PRKCB: variants seen among roughly 807,000 people sequenced by gnomAD.
The protein encoded by PRKCB is protein kinase C beta.
A neutral mutation model predicts 81.5 loss-of-function variants in PRKCB; 13 were observed. The ratio of observed to expected loss-of-function variants is 0.16; its 90% CI spans 0.10 to 0.25. PRKCB has a LOEUF of 0.25. PRKCB is among the 10% of genes least tolerant of loss of function. The pLI is 1.00. For missense variants in PRKCB, 509 were observed against 875.7 expected, an observed-to-expected ratio of 0.58 and a Z score of 5.29; for synonymous variants, 335 against 321.4, an observed-to-expected ratio of 1.04 and a Z score of -0.45.
At chr16:23,915,192 G>GA (rs2141737878) in intron 2 of PRKCB, among the ~76,000 whole-genome samples, 1 of 152,284 alleles carries the variant, frequency 6.6e-6, no homozygotes, top group East Asian at 1.9e-4. Context: ...TTACATGACT[G>GA]AAATGAGAGG....
intron 9 of PRKCB, among the ~76,000 whole-genome samples, chr16:24,154,415 C>T (rs1422903188): frequency 2.0e-5 from 3 of 152,244 alleles, no homozygotes; most frequent in Middle Eastern, 6.8e-3. Flanking sequence ...CCCAGGATTT[C>T]GAGTCCGCAG....
At chr16:23,969,038 T>G (rs1454532808) in intron 2 of PRKCB, among the ~76,000 whole-genome samples, 1 of 152,064 alleles carries the variant, frequency 6.6e-6, no homozygotes, top group Non-Finnish European at 1.5e-5. Context: ...GATGTGGTGG[T>G]GGGTGCCTGT....
chr16:24,194,181 G>T (rs990561644), intron 16 of PRKCB, among the ~76,000 whole-genome samples: 2 of 152,042 alleles, frequency 1.3e-5, no homozygotes, highest in Admixed American at 1.3e-4. Context: ...ACAAAAATTA[G>T]CTAGATGCGA....
chr16:24,164,320 G>T (rs544596860), intron 10 of PRKCB, among the ~76,000 whole-genome samples: 2 of 152,148 alleles, frequency 1.3e-5, no homozygotes, highest in South Asian at 4.2e-4. Flanking sequence ...TTCCAAATTT[G>T]GGAAATTCTA....
At chr16:23,843,631 C>G (rs929870419) in intron 2 of PRKCB, among the ~76,000 whole-genome samples, 1 of 151,942 alleles carries the variant, frequency 6.6e-6, no homozygotes, top group Non-Finnish European at 1.5e-5. Context: ...GAATGCCTTT[C>G]TAAGTAAATA....
At chr16:24,032,676 AGCCTCCGTGCAT>A (rs1965564619) in intron 4 of PRKCB, among the ~76,000 whole-genome samples, 1 of 152,144 alleles carries the variant, frequency 6.6e-6, no homozygotes, top group African/African-American at 2.4e-5. Context: ...TAGGCTACCT[AGCCTCCGTGCAT>A]GCACGGAGGT....
chr16:24,137,343 C>A (rs1438052554), intron 9 of PRKCB, among the ~76,000 whole-genome samples: 4 of 151,454 alleles, frequency 2.6e-5, no homozygotes, highest in Non-Finnish European at 5.9e-5. Context: ...TGCATGCCAT[C>A]GTGCCTGGCT....
chr16:23,997,714 C>T (rs1010411986), intron 3 of PRKCB, among the ~76,000 whole-genome samples: 7 of 152,054 alleles, frequency 4.6e-5, no homozygotes, highest in African/African-American at 1.7e-4. Flanking sequence ...TATAGGATAC[C>T]AGGACAAGAG....
Position 24,191,233 on chromosome 16 carries a change from A to G in PRKCB, c.1863+3A>G, listed in dbSNP as rs1333997215. On this transcript the variant is annotated splice_donor_region_variant and intron_variant, in intron 16 of 16. Coordinates refer to ENST00000643927, the MANE Select transcript of PRKCB (RefSeq NM_002738.7). ...AGCCCCCTTATAAGCCAAAAGCTGT[A>G]AGTAGCCCATTCTCTCTGACTGCCG... is the stretch of plus-strand genomic sequence containing the variant. 3 of 1,614,006 alleles carry G rather than the reference A, an allele frequency of 1.9e-6. No individual in the cohort carries two copies. The highest frequency in any genetic ancestry group is 2.5e-6 in the Non-Finnish European group (3 of 1,179,908).
At chr16:23,897,867 A>G (rs1963404473) in intron 2 of PRKCB, among the ~76,000 whole-genome samples, 1 of 151,662 alleles carries the variant, frequency 6.6e-6, no homozygotes, top group African/African-American at 2.4e-5. Flanking sequence ...CCATCCATAT[A>G]TCTATTTAAT....
intron 5 of PRKCB, among the ~76,000 whole-genome samples, chr16:24,041,041 C>T (rs1965690482): frequency 1.4e-5 from 2 of 146,778 alleles, no homozygotes; most frequent in Non-Finnish European, 3.0e-5. Flanking sequence ...CGTGTTCATA[C>T]ATGCAACAAT....
At chr16:24,024,859 T>C in intron 3 of PRKCB, among the ~76,000 whole-genome samples, 1 of 152,128 alleles carries the variant, frequency 6.6e-6, no homozygotes, top group East Asian at 1.9e-4. Context: ...AAGATGCACC[T>C]TGAGGGTCGT....
chr16:24,085,688 A>T (rs1966303384), intron 5 of PRKCB, among the ~76,000 whole-genome samples: 1 of 152,180 alleles, frequency 6.6e-6, no homozygotes, highest in Non-Finnish European at 1.5e-5. Context: ...ACAAAGGCTC[A>T]GAGAAGCCAT....
chr16:24,030,092 C>A (rs1965532638), intron 3 of PRKCB, among the ~76,000 whole-genome samples: 2 of 152,064 alleles, frequency 1.3e-5, no homozygotes, highest in African/African-American at 2.4e-5. Flanking sequence ...GACATGGGGT[C>A]TCACTATGTT....
intron 7 of PRKCB, among the ~76,000 whole-genome samples, chr16:24,104,614 A>G (rs1966551848): frequency 6.6e-6 from 1 of 152,240 alleles, no homozygotes; most frequent in Non-Finnish European, 1.5e-5. Context: ...AACTCAGGAA[A>G]GAACTCACTG....
chr16:23,940,031 G>A (rs1402718869), intron 2 of PRKCB, among the ~76,000 whole-genome samples: 3 of 152,000 alleles, frequency 2.0e-5, no homozygotes, highest in African/African-American at 4.8e-5. Flanking sequence ...ATTAAAAAAG[G>A]GCAAAAGCTA....
In PRKCB at chr16:24,174,578, C is replaced by T. The variant is rs200457901; in HGVS notation, c.1392C>T (p.Tyr464=). 6.8e-6 allele frequency: 11 copies of T among 1,612,412 alleles called. No homozygotes were observed. Among genetic ancestry groups the T allele is most frequent in the Non-Finnish European group, 9.3e-6 (11 of 1,178,938 alleles). ...TCTTACAGAGTAAGGGCATCATTTA[C>T]CGGTAAGTGAACACTGCTGTACTTT... is the stretch of plus-strand genomic sequence containing the variant. ...LFFLQSKGII[Y]RDLKLDNVML... is the part of the protein sequence containing the mutation. The change falls in exon 12 of 17, where the codon TAC becomes TAT. Residue 464 remains tyrosine (Y), a splice_region_variant and synonymous_variant. Coordinates refer to ENST00000643927, the MANE Select transcript of PRKCB (RefSeq NM_002738.7).
chr16:23,863,692 T>C (rs1442902298), intron 2 of PRKCB, among the ~76,000 whole-genome samples: 1 of 152,202 alleles, frequency 6.6e-6, no homozygotes. Flanking sequence ...TGGGCAGTTT[T>C]ATGGCAGCCT....
chr16:23,886,565 A>G (rs922994728), intron 2 of PRKCB, among the ~76,000 whole-genome samples: 2 of 151,560 alleles, frequency 1.3e-5, no homozygotes, highest in African/African-American at 4.9e-5. Flanking sequence ...GGCACGCACC[A>G]CCACGCCTGA....
Sources: allele counts gnomAD v4.1 joint callset (sites outside exome capture counted in the v4.1 genomes callset), GRCh38; gene constraint gnomAD v4.1.1; transcripts MANE v1.5; gene names NCBI Gene and HGNC (gene_info 2026-07-23, HGNC 2026-07-21).